The following FBXO34 variants were observed in gnomAD, a reference collection of about 807,000 sequenced individuals.
FBXO34 encodes F-box only protein 34.
In FBXO34, 12 loss-of-function variants were observed where a neutral mutation model predicts 24.5. That is an observed-to-expected ratio of 0.49 (90% CI 0.31 to 0.79). The LOEUF (loss-of-function observed/expected upper bound fraction) is 0.79. Among genes scored for constraint, FBXO34 ranks in the 30% least tolerant of loss-of-function variants. The probability of loss-of-function intolerance (pLI) is 0.04; values close to 1 mark genes in which losing one functional copy is unlikely to be tolerated. For synonymous variants in FBXO34, 320 were observed against 311.9 expected (o/e 1.03, Z -0.27); for missense variants, 823 against 857.7 (o/e 0.96, Z 0.51).
At chr14:55,378,170 C>G in the FBXO34 span, 2 of 994,520 alleles carry the variant, frequency 2.0e-6, no homozygotes, top group East Asian at 2.6e-5. Context: ...AACACATACT[C>G]TGTGCCCTTT....
chr14:55,431,128 T>C, the FBXO34 span, among the ~76,000 whole-genome samples: 2 of 152,260 alleles, frequency 1.3e-5, no homozygotes, highest in Admixed American at 6.5e-5. Flanking sequence ...CCTCATACTC[T>C]TGCTGTTACA....
chr14:55,378,033 C>G, the FBXO34 span: 1 of 1,612,886 alleles, frequency 6.2e-7, no homozygotes, highest in South Asian at 1.1e-5. Flanking sequence ...CTTCACTGCT[C>G]GAGTAAATTT....
chr14:55,321,899 C>T (rs751722693), intron 1 of FBXO34, among the ~76,000 whole-genome samples: 1 of 152,182 alleles, frequency 6.6e-6, no homozygotes, highest in Non-Finnish European at 1.5e-5. Context: ...GATGCTTTTC[C>T]GTTTAAAATT....
the FBXO34 span, chr14:55,390,837 C>G: frequency 5.7e-6 from 6 of 1,043,564 alleles, no homozygotes; most frequent in Non-Finnish European, 7.1e-6. Context: ...TTCTGTGTCC[C>G]TCTAGTTTAT....
chr14:55,320,738 C>G (rs944508604), intron 1 of FBXO34, among the ~76,000 whole-genome samples: 1 of 152,132 alleles, frequency 6.6e-6, no homozygotes, highest in Non-Finnish European at 1.5e-5. Flanking sequence ...GCCTGTGTGA[C>G]AGAGCAAGAC....
rs1884398461 is a variant in FBXO34 at position 55,351,886 on chromosome 14, A to G, written c.1496A>G (p.Glu499Gly). The G allele has an allele frequency of 6.2e-7, 1 of 1,614,182 alleles. No individual in the cohort carries two copies. The highest frequency in any genetic ancestry group is 8.5e-7 in the Non-Finnish European group (1 of 1,180,040). ...QHLSDYSQLN[E>G]STTKESSEAS... ...TTGTCAGACTATTCCCAGTTGAATGAAAGCACAACAAAAGAGTCTTCAGAG... is the reference window on the plus strand; with the variant it reads ...TTGTCAGACTATTCCCAGTTGAATGGAAGCACAACAAAAGAGTCTTCAGAG... Residue 499 changes from glutamate (E) to glycine (G), a missense_variant, in exon 2 of 2, where the codon GAA becomes GGA. Glu to Gly is a moderately conservative substitution (Grantham distance 98). Around this residue, in one of 2 missense-constraint regions of FBXO34, gnomAD observed 693 missense variants for 659.1 expected, o/e 1.05. Coordinates refer to ENST00000313833, the MANE Select transcript of FBXO34 (RefSeq NM_017943.4).
At chr14:55,430,174 G>C in the FBXO34 span, among the ~76,000 whole-genome samples, 1 of 152,088 alleles carries the variant, frequency 6.6e-6, no homozygotes, top group Non-Finnish European at 1.5e-5. Context: ...AGCAACACCT[G>C]CAGGGTGAAT....
downstream of FBXO34, among the ~76,000 whole-genome samples, chr14:55,362,591 G>A (rs767927721): frequency 9.2e-5 from 14 of 152,194 alleles, no homozygotes; most frequent in Non-Finnish European, 1.8e-4. Flanking sequence ...ACTCCCTTAA[G>A]CCAGTACCAG....
At chr14:55,411,961 C>T in the FBXO34 span, 3 of 757,974 alleles carry the variant, frequency 4.0e-6, no homozygotes, top group Non-Finnish European at 6.3e-6. Context: ...TGTTCCTGTC[C>T]CGGGCACTGT....
At chr14:55,313,493 C>T (rs1200871600) in intron 1 of FBXO34, among the ~76,000 whole-genome samples, 5 of 152,128 alleles carry the variant, frequency 3.3e-5, no homozygotes, top group African/African-American at 1.2e-4. Context: ...TAGCGCGGTG[C>T]CCCACTCTTG....
intron 1 of FBXO34, among the ~76,000 whole-genome samples, chr14:55,273,675 G>C (rs540461538): frequency 8.5e-5 from 13 of 152,308 alleles, no homozygotes; most frequent in African/African-American, 3.1e-4. Context: ...CCTTTAAGAT[G>C]AAAGAATCTT....
At chr14:55,417,453 T>TAAA in the FBXO34 span, among the ~76,000 whole-genome samples, 3 of 91,344 alleles carry the variant, frequency 3.3e-5, no homozygotes, top group African/African-American at 9.5e-5. Context: ...ACCCTTGCCT[T>TAAA]AAAAAAAAAA....
chr14:55,293,325 G>A (rs1300890965), intron 1 of FBXO34, among the ~76,000 whole-genome samples: 4 of 152,014 alleles, frequency 2.6e-5, no homozygotes, highest in Non-Finnish European at 5.9e-5. Flanking sequence ...TTACAGGTGT[G>A]TGCCACCACA....
chr14:55,300,275 CT>C (rs1376788761), intron 1 of FBXO34, among the ~76,000 whole-genome samples: 1 of 152,174 alleles, frequency 6.6e-6, no homozygotes, highest in Non-Finnish European at 1.5e-5. Context: ...TACTACCTCT[CT>C]TTGGTAATGT....
chr14:55,427,927 G>GGA, the FBXO34 span, among the ~76,000 whole-genome samples: 1 of 143,594 alleles, frequency 7.0e-6, no homozygotes, highest in Non-Finnish European at 1.5e-5. Flanking sequence ...GGCCCGGGCT[G>GGA]GAGTGCAGTG....
chr14:55,421,883 T>A, the FBXO34 span, among the ~76,000 whole-genome samples: 1 of 152,216 alleles, frequency 6.6e-6, no homozygotes, highest in Non-Finnish European at 1.5e-5. Flanking sequence ...AGTTATGACT[T>A]AATCAACTTT....
chr14:55,415,661 T>C, the FBXO34 span, among the ~76,000 whole-genome samples: 3 of 151,954 alleles, frequency 2.0e-5, no homozygotes, highest in African/African-American at 4.8e-5. Flanking sequence ...GGTCAGGAGT[T>C]CAAGACCAGC....
At chr14:55,306,008 G>C (rs551975243) in intron 1 of FBXO34, among the ~76,000 whole-genome samples, 1 of 152,278 alleles carries the variant, frequency 6.6e-6, no homozygotes, top group South Asian at 2.1e-4. Flanking sequence ...TTCAATGTTT[G>C]ATCAACTGAA....
At chr14:55,385,537 CCTG>C in the FBXO34 span, among the ~76,000 whole-genome samples, 3 of 152,192 alleles carry the variant, frequency 2.0e-5, no homozygotes, top group Non-Finnish European at 4.4e-5. Flanking sequence ...AGGTGATTCG[CCTG>C]CCTCGGCCTC....
Sources: allele counts gnomAD v4.1 joint callset (sites outside exome capture counted in the v4.1 genomes callset), GRCh38; gene constraint gnomAD v4.1.1; regional missense constraint gnomAD v4.1.1; transcripts MANE v1.5; gene names NCBI Gene and HGNC (gene_info 2026-07-23, HGNC 2026-07-21).